SPSB1: variants seen among roughly 807,000 people sequenced by gnomAD.
SPSB1 encodes SPRY domain-containing SOCS box protein 1.
SPSB1 carries 8 observed loss-of-function variants against 21.2 expected under a neutral mutation model. The ratio of observed to expected loss-of-function variants is 0.38; its 90% CI spans 0.22 to 0.68. The LOEUF (loss-of-function observed/expected upper bound fraction) is 0.68, where lower values mean the gene tolerates loss of function less well. Among genes scored for constraint, SPSB1 ranks in the 30% least tolerant of loss-of-function variants. The pLI is 0.53. For missense variants in SPSB1, 242 were observed against 377.8 expected, an observed-to-expected ratio of 0.64 and a Z score of 2.98; for synonymous variants, 169 against 161.7, an observed-to-expected ratio of 1.05 and a Z score of -0.34.
chr1:9,316,737 G>A (rs557573), intron 1 of SPSB1, among the ~76,000 whole-genome samples: 19,268 of 152,180 alleles, frequency 0.13, 2,939 homozygotes, highest in African/African-American at 0.37. Flanking sequence ...GCTTCTCCAG[G>A]GGAGACCGCC....
At chr1:9,340,866 C>T (rs144795029) in intron 1 of SPSB1, among the ~76,000 whole-genome samples, 1,686 of 152,334 alleles carry the variant, frequency 0.011, 14 homozygotes, top group Middle Eastern at 0.02. Flanking sequence ...ACATGAAACG[C>T]ACATTTGTAG....
In SPSB1 at chr1:9,332,658, C is replaced by A. The variant is rs533201232; in HGVS notation, c.-149-23085C>A. ...GTGTGTAAGGAGCAGGAAGAACAGG[C>A]GGAGGAGCTGAGACAGAACCTTAGA... is the stretch of plus-strand genomic sequence containing the variant. On this transcript the variant is annotated intron_variant, in intron 1 of 2. Transcript: ENST00000328089. 3.9e-5 allele frequency among the ~76,000 whole-genome samples: 6 copies of A among 152,194 alleles called. No homozygotes were observed. In the East Asian group the frequency reaches 1.2e-3, roughly 29 times the overall value.
intron 1 of SPSB1, among the ~76,000 whole-genome samples, chr1:9,295,818 G>A (rs1204283747): frequency 1.3e-5 from 2 of 152,174 alleles, no homozygotes; most frequent in African/African-American, 2.4e-5. Context: ...TGGGCATTTT[G>A]TATCAATTTT....
chr1:9,305,435 C>T lies in SPSB1; in HGVS notation c.-150+12364C>T, dbSNP rs1033857939. ...GGGCTCCAGGAGGGCAGGACCCGGC[C>T]GGCCACATGGCTGTTGTTCACGGCT... On this transcript the variant is annotated intron_variant, in intron 1 of 2. Coordinates refer to ENST00000328089, the MANE Select transcript of SPSB1 (RefSeq NM_025106.4). This position sits in a 1 kb window ranked among gnomAD's most constrained non-coding sequence, Gnocchi z 4.8. Among the ~76,000 whole-genome samples, 1 of 152,202 alleles carries T rather than the reference C, an allele frequency of 6.6e-6. No homozygotes were observed. Among genetic ancestry groups the T allele is most frequent in the Non-Finnish European group, 1.5e-5 (1 of 68,036 alleles).
At chr1:9,300,614 G>A (rs1183252059) in intron 1 of SPSB1, among the ~76,000 whole-genome samples, 2 of 152,204 alleles carry the variant, frequency 1.3e-5, no homozygotes, top group Non-Finnish European at 2.9e-5. Context: ...TTGACCATCA[G>A]CCACGAAGTT....
At chr1:9,323,265 C>T (rs1170455600) in intron 1 of SPSB1, among the ~76,000 whole-genome samples, 1 of 152,218 alleles carries the variant, frequency 6.6e-6, no homozygotes, top group Admixed American at 6.5e-5. Flanking sequence ...CATTCTAGTT[C>T]CCGCCGAGCC....
intron 1 of SPSB1, among the ~76,000 whole-genome samples, chr1:9,341,314 G>A (rs1640087818): frequency 6.6e-6 from 1 of 152,184 alleles, no homozygotes; most frequent in East Asian, 1.9e-4. Flanking sequence ...GGCAGTGGGG[G>A]AGAGTTCGGA....
chr1:9,306,923 TTTTCTTC>T (rs753016540), intron 1 of SPSB1, among the ~76,000 whole-genome samples: 3,838 of 35,600 alleles, frequency 0.11, 65 homozygotes, highest in Middle Eastern at 0.14. Flanking sequence ...ACTTTTCTTC[TTTTCTTC>T]TTTTTTTTTT....
rs201375535 is a variant in SPSB1, at chr1:9,356,399, A to G, written c.508A>G (p.Thr170Ala). The G allele has an allele frequency of 6.2e-7, 1 of 1,614,144 alleles. No homozygotes were observed. The highest frequency in any genetic ancestry group is 8.5e-7 in the Non-Finnish European group (1 of 1,180,036). The change falls in exon 2 of 3, where the codon ACA becomes GCA. Residue 170 changes from threonine to alanine, a missense_variant. Physicochemically the swap from Thr to Ala is moderately conservative, Grantham distance 58. Coordinates refer to ENST00000328089, the MANE Select transcript of SPSB1 (RefSeq NM_025106.4). The surrounding 1 kb of genome is among the most constrained non-coding windows in gnomAD (Gnocchi z 7.4). ...TYPAFLEPDE[T>A]FIVPDSFLVA... ...CCCAGCCTTTCTGGAACCAGATGAG[A>G]CATTCATTGTCCCTGACTCCTTCCT...
chr1:9,360,644 G>A (rs1028054244), intron 2 of SPSB1, among the ~76,000 whole-genome samples: 2 of 152,186 alleles, frequency 1.3e-5, no homozygotes, highest in African/African-American at 4.8e-5. Context: ...CTGAGTCCCA[G>A]CCTCTGTTTC....
Position 9,356,322 on chromosome 1 carries a change from TG to T in SPSB1, c.435del (p.Arg146AlafsTer34), listed in dbSNP as rs759587749. 1 of 1,613,798 alleles carries T rather than the reference TG, an allele frequency of 6.2e-7. No homozygotes were observed. The highest frequency in any genetic ancestry group is 1.1e-5 in the South Asian group (1 of 91,082). ...GNNHESWGWD[L>X]GRNRLYHDGK... ...AACCACGAGTCCTGGGGCTGGGACT[TG>T]GGGCGCAACCGGCTCTACCACGATG... On this transcript the variant is annotated frameshift_variant, in exon 2 of 3. Coordinates refer to ENST00000328089, the MANE Select transcript of SPSB1 (RefSeq NM_025106.4). LOFTEE classifies it high-confidence loss of function. This position sits in a 1 kb window ranked among gnomAD's most constrained non-coding sequence, Gnocchi z 7.4.
intron 2 of SPSB1, among the ~76,000 whole-genome samples, chr1:9,361,348 TC>T (rs1458149659): frequency 6.6e-6 from 1 of 151,780 alleles, no homozygotes; most frequent in Non-Finnish European, 1.5e-5. Context: ...CTTTGCTGTC[TC>T]TGTCTTGGAG....
chr1:9,356,191 G>T lies in SPSB1; in HGVS notation c.300G>T (p.Trp100Cys). ...GGTATACCCGTGGGCTGCACGTGTG[G>T]CAGATCACGTGGGCCATGAGACAGC... ...KVGYTRGLHVWQITWAMRQRG... is the reference protein window; with the variant it reads ...KVGYTRGLHVCQITWAMRQRG... The change falls in exon 2 of 3, where the codon TGG becomes TGT. Residue 100 changes from tryptophan to cysteine, a missense_variant. Coordinates refer to ENST00000328089, the MANE Select transcript of SPSB1 (RefSeq NM_025106.4). The surrounding 1 kb of genome is among the most constrained non-coding windows in gnomAD (Gnocchi z 7.4). 1 of 1,588,272 alleles carries T rather than the reference G, an allele frequency of 6.3e-7. No homozygotes were observed. The highest frequency in any genetic ancestry group is 8.6e-7 in the Non-Finnish European group (1 of 1,165,068).
At position 9,317,932 on chromosome 1, in the gene SPSB1, G is replaced by C. The variant is rs145000244; in HGVS notation, c.-150+24861G>C. 6.6e-6 allele frequency among the ~76,000 whole-genome samples: 1 copy of C among 150,524 alleles called. No individual in the cohort carries two copies. Among genetic ancestry groups the C allele is most frequent in the Non-Finnish European group, 1.5e-5 (1 of 67,840 alleles). ...GGCACACCATTCGCTCCGCGAGTTT[G>C]TTAAGGGCCCCTGTGTGCCAGGCTC... is the stretch of plus-strand genomic sequence containing the variant. On this transcript the variant is annotated intron_variant, in intron 1 of 2. Transcript: ENST00000328089. The surrounding 1 kb of genome is among the most constrained non-coding windows in gnomAD (Gnocchi z 4.3).
intron 2 of SPSB1, among the ~76,000 whole-genome samples, chr1:9,360,320 G>A (rs1440736707): frequency 1.3e-5 from 2 of 152,194 alleles, no homozygotes; most frequent in Non-Finnish European, 2.9e-5. Flanking sequence ...GCTGAGAACC[G>A]TCCATCAGCT....
At chr1:9,365,255 C>G (rs1438606205) in intron 2 of SPSB1, among the ~76,000 whole-genome samples, 4 of 152,186 alleles carry the variant, frequency 2.6e-5, no homozygotes, top group Admixed American at 2.0e-4. Flanking sequence ...CCAACCGATC[C>G]TCTCGCCTCA....
chr1:9,316,364 C>A (rs1639612520), intron 1 of SPSB1, among the ~76,000 whole-genome samples: 1 of 152,146 alleles, frequency 6.6e-6, no homozygotes, highest in Admixed American at 6.5e-5. Flanking sequence ...GCCCCTGGGG[C>A]ACAAGGGAGG....
chr1:9,293,476 G>A lies in SPSB1; in HGVS notation c.-150+405G>A, dbSNP rs1405023466. ...TTTAGCCCGGGGAAAGCGGGACCCC[G>A]CTCGGCTGAGTTAGTTTCGCTTTTC... On this transcript the variant is annotated intron_variant, in intron 1 of 2. Transcript: ENST00000328089. The surrounding 1 kb of genome is among the most constrained non-coding windows in gnomAD (Gnocchi z 5.1). Among the ~76,000 whole-genome samples, 1 of 151,746 alleles carries A rather than the reference G, an allele frequency of 6.6e-6. No individual in the cohort carries two copies. Among genetic ancestry groups the A allele is most frequent in the African/African-American group, 2.4e-5 (1 of 41,364 alleles).
chr1:9,360,670 C>T (rs950769743), intron 2 of SPSB1, among the ~76,000 whole-genome samples: 4 of 152,222 alleles, frequency 2.6e-5, no homozygotes, highest in Non-Finnish European at 5.9e-5. Context: ...GGTGCTCCAC[C>T]TGTGTATGTG....
Sources: gnomAD v4.1 joint callset for allele counts (sites outside exome capture counted in the v4.1 genomes callset) on GRCh38, gnomAD v4.1.1 for gene constraint, Gnocchi (gnomAD v3.1) non-coding constraint, MANE v1.5 for transcripts, NCBI Gene and HGNC (gene_info 2026-07-23, HGNC 2026-07-21) for gene names.